PIP4K2B: variants seen among roughly 807,000 people sequenced by gnomAD.
PIP4K2B encodes the protein phosphatidylinositol 5-phosphate 4-kinase type-2 beta.
In PIP4K2B, 3 loss-of-function variants were observed where a neutral mutation model predicts 42.0. The ratio of observed to expected loss-of-function variants is 0.07; its 90% CI spans 0.03 to 0.18. The LOEUF (loss-of-function observed/expected upper bound fraction) is 0.18, where lower values mean the gene tolerates loss of function less well. Among genes scored for constraint, PIP4K2B ranks in the 10% least tolerant of loss-of-function variants. The pLI, the probability that PIP4K2B is intolerant of heterozygous loss-of-function variation, is 1.00. For synonymous variants in PIP4K2B, 204 were observed against 210.1 expected, an observed-to-expected ratio of 0.97 and a Z score of 0.25; for missense variants, 332 against 562.3, an observed-to-expected ratio of 0.59 and a Z score of 4.14.
intron 7 of PIP4K2B, among the ~76,000 whole-genome samples, chr17:38,775,662 C>T (rs1435327690): frequency 6.6e-6 from 1 of 152,044 alleles, no homozygotes; most frequent in Non-Finnish European, 1.5e-5. Context: ...TCGAAACCAT[C>T]CTGGTCAACA....
At chr17:38,795,944 G>C (rs944140155) in intron 1 of PIP4K2B, among the ~76,000 whole-genome samples, 6 of 152,000 alleles carry the variant, frequency 3.9e-5, no homozygotes, top group Non-Finnish European at 8.8e-5. Flanking sequence ...TTTGAGACAA[G>C]CCTGGCCGAC....
At chr17:38,795,196 A>T (rs1189164062) in intron 1 of PIP4K2B, among the ~76,000 whole-genome samples, 2 of 151,936 alleles carry the variant, frequency 1.3e-5, no homozygotes, top group Non-Finnish European at 2.9e-5. Flanking sequence ...AGGGACCTGT[A>T]TCTAGAATAT....
intron 7 of PIP4K2B, among the ~76,000 whole-genome samples, chr17:38,774,015 G>C (rs1206175023): frequency 6.6e-6 from 1 of 152,216 alleles, no homozygotes; most frequent in African/African-American, 2.4e-5. Flanking sequence ...GCAGAATAAG[G>C]AAAGAACATA....
intron 1 of PIP4K2B, among the ~76,000 whole-genome samples, chr17:38,789,694 A>G (rs767059617): frequency 9.2e-5 from 14 of 152,180 alleles, no homozygotes; most frequent in Non-Finnish European, 2.1e-4. Context: ...TGGGCTGGGG[A>G]ACCATATCTT....
intron 1 of PIP4K2B, among the ~76,000 whole-genome samples, chr17:38,794,370 G>A (rs1020808437): frequency 2.0e-5 from 3 of 151,844 alleles, no homozygotes; most frequent in South Asian, 4.1e-4. Flanking sequence ...TCATTCAAGC[G>A]AGATGAATAC....
rs541122569 is a variant in PIP4K2B at position 38,769,491 on chromosome 17, G to A, written c.*200C>T. On this transcript the variant is annotated 3_prime_UTR_variant, in exon 10 of 10. Transcript: ENST00000619039. ...CAGAAGGTGGGGTTACATCCTGTGA[G>A]CAGGTGCACACACAGCACATCCCCC... 3 of 584,742 alleles carry A rather than the reference G, an allele frequency of 5.1e-6. No individual in the cohort carries two copies. In the South Asian group the frequency reaches 6.5e-5, roughly 13 times the overall value. The allele number at this position is 584,742 out of a possible 1,614,324, so 36.2% of individuals were successfully genotyped here.
Position 38,779,499 on chromosome 17 carries a change from A to G in PIP4K2B, c.538T>C (p.Leu180=). Residue 180 remains leucine (L), a synonymous_variant, in exon 5 of 10, where the codon TTG becomes CTG. Transcript: ENST00000619039. Reference sequence around the variant, plus strand: ...CGGTACATGCCCAGGAACTGTGGCAAAAGCGTGTTGCCATGACACTCCACT... The same window carrying G: ...CGGTACATGCCCAGGAACTGTGGCAGAAGCGTGTTGCCATGACACTCCACT... ...FIVECHGNTL[L]PQFLGMYRLT... is the part of the protein sequence containing the mutation. 6.2e-7 allele frequency: 1 copy of G among 1,614,112 alleles called. No individual in the cohort carries two copies. The highest frequency in any genetic ancestry group is 8.5e-7 in the Non-Finnish European group (1 of 1,179,914).
intron 1 of PIP4K2B, among the ~76,000 whole-genome samples, chr17:38,797,953 GA>G (rs1416719318): frequency 6.6e-6 from 1 of 152,094 alleles, no homozygotes; most frequent in African/African-American, 2.4e-5. Context: ...TGATGACAGT[GA>G]AAACAGTAAC....
At chr17:38,785,423 G>C (rs1909952760) in intron 2 of PIP4K2B, among the ~76,000 whole-genome samples, 1 of 152,194 alleles carries the variant, frequency 6.6e-6, no homozygotes, top group Admixed American at 6.5e-5. Flanking sequence ...TGTAATCCCA[G>C]TACTTTGGGA....
At position 38,768,473 on chromosome 17, in the gene PIP4K2B, C is replaced by T. The variant is rs1908824710; in HGVS notation, c.*1218G>A. 6.5e-6 allele frequency: 1 copy of T among 152,808 alleles called. No homozygotes were observed. Among genetic ancestry groups the T allele is most frequent in the East Asian group, 1.9e-4 (1 of 5,196 alleles). The allele number at this position is 152,808 out of a possible 1,614,324, so 9.5% of individuals were successfully genotyped here. A position where few individuals can be genotyped will look rare whatever the true frequency, so the allele number is the denominator to read the frequency against. ...AGCCTCCAAACTGGATTTCCTGGAT[C>T]ACATCCTCATGTAACTAGGAAGCCA... is the stretch of plus-strand genomic sequence containing the variant. On this transcript the variant is annotated 3_prime_UTR_variant, in exon 10 of 10. Transcript: ENST00000619039.
rs1910818845 is a variant in PIP4K2B, at chr17:38,799,199, C to T, written c.159+67G>A. On this transcript the variant is annotated intron_variant, in intron 1 of 9. Coordinates refer to ENST00000619039, the MANE Select transcript of PIP4K2B (RefSeq NM_003559.5). This position sits in a 1 kb window ranked among gnomAD's most constrained non-coding sequence, Gnocchi z 4.4. The stretch of plus-strand genomic sequence containing the variant: ...ACCGGCAGGGCCTGCGGGGCAAGGG[C>T]CCAGGGCTGCAGGGGGCGTGGGAGC... The T allele has an allele frequency of 1.3e-6, 2 of 1,485,280 alleles. No individual in the cohort carries two copies. The highest frequency in any genetic ancestry group is 4.5e-5 in the Admixed American group (2 of 44,296). 92.0% of individuals were successfully genotyped at this position (1,485,280 alleles called of 1,614,324 possible).
rs199838092 is a variant in PIP4K2B, at chr17:38,779,342, T to C, written c.654+41A>G. On this transcript the variant is annotated intron_variant, in intron 5 of 9. Coordinates refer to ENST00000619039, the MANE Select transcript of PIP4K2B (RefSeq NM_003559.5). ...AGTAGTGGCCCCTTCGGGGCTCAGA[T>C]AGAGGGGAGGCACAGCTCCGGCAAA... The C allele has an allele frequency of 3.9e-5, 61 of 1,571,598 alleles. 1 individual carries two copies. The Middle Eastern group carries it at 7.0e-4, about 18-fold the overall frequency.
In PIP4K2B at chr17:38,776,656, A is replaced by G. The variant is rs1447387989; in HGVS notation, c.807+1031T>C. On this transcript the variant is annotated intron_variant, in intron 7 of 9. Coordinates refer to ENST00000619039, the MANE Select transcript of PIP4K2B (RefSeq NM_003559.5). ...AAAAAACAAAACAAACAAACAAACAAAAAAAACACCTATTATTATATGTAT... is the reference window on the plus strand; with the variant it reads ...AAAAAACAAAACAAACAAACAAACAGAAAAAACACCTATTATTATATGTAT... The G allele has an allele frequency of 3.2e-5, 14 of 440,016 alleles. No individual in the cohort carries two copies. In the Admixed American group the frequency reaches 3.7e-4, roughly 12 times the overall value. 27.3% of individuals were successfully genotyped at this position (440,016 alleles called of 1,614,324 possible). A position where few individuals can be genotyped will look rare whatever the true frequency, so the allele number is the denominator to read the frequency against.
Position 38,778,372 on chromosome 17 carries a change from C to G in PIP4K2B, c.655G>C (p.Gly219Arg). ...LTVHRKYDLK[G>R]STVAREASDK... Reference sequence around the variant, plus strand: ...CTCGCTTCTCTGGCAACCGTAGAACCCTGAAAGGATAAGAGCCATCAGGGG... The same window carrying G: ...CTCGCTTCTCTGGCAACCGTAGAACGCTGAAAGGATAAGAGCCATCAGGGG... Residue 219 changes from glycine to arginine, a missense_variant and splice_region_variant, in exon 6 of 10, where the codon GGT becomes CGT. This residue lies in a region of PIP4K2B where 16 missense variants were observed against 57.0 expected (regional missense o/e 0.28). Transcript: ENST00000619039. The G allele has an allele frequency of 6.2e-7, 1 of 1,614,058 alleles. No individual in the cohort carries two copies. Among genetic ancestry groups the G allele is most frequent in the Non-Finnish European group, 8.5e-7 (1 of 1,179,954 alleles).
intron 7 of PIP4K2B, among the ~76,000 whole-genome samples, chr17:38,774,535 G>A (rs181454893): frequency 2.0e-5 from 3 of 152,198 alleles, no homozygotes; most frequent in East Asian, 3.9e-4. Context: ...TTGGGAGGCC[G>A]AGGCAGGCAG....
At chr17:38,770,054 A>G (rs1452029389) in intron 9 of PIP4K2B, among the ~76,000 whole-genome samples, 1 of 152,214 alleles carries the variant, frequency 6.6e-6, no homozygotes, top group South Asian at 2.1e-4. Context: ...GGGCCACTAC[A>G]TGGAGAACAG....
intron 6 of PIP4K2B, 124 bp from the exon 7 acceptor site, chr17:38,777,924 A>G: frequency 1.4e-6 from 1 of 702,092 alleles, no homozygotes; most frequent in Non-Finnish European, 2.5e-6. Context: ...ACCGACCCTC[A>G]ACCTGCTAAA....
At position 38,799,115 on chromosome 17, in the gene PIP4K2B, G is replaced by C. The variant is rs1910812245; in HGVS notation, c.159+151C>G. On this transcript the variant is annotated intron_variant, in intron 1 of 9. Coordinates refer to ENST00000619039, the MANE Select transcript of PIP4K2B (RefSeq NM_003559.5). The surrounding 1 kb of genome is among the most constrained non-coding windows in gnomAD (Gnocchi z 4.4). ...GCGTGCGGGGAGTGCACACGGGGCC[G>C]AAAGGCGTGCAAGGGTGGGGTGGGC... is the stretch of plus-strand genomic sequence containing the variant. The C allele has an allele frequency of 1.3e-6, 1 of 791,802 alleles. No individual in the cohort carries two copies. The highest frequency in any genetic ancestry group is 1.8e-6 in the Non-Finnish European group (1 of 546,918). The allele number at this position is 791,802 out of a possible 1,614,324, so 49.0% of individuals were successfully genotyped here. A position where few individuals can be genotyped will look rare whatever the true frequency, so the allele number is the denominator to read the frequency against.
Position 38,799,373 on chromosome 17 carries a change from C to T in PIP4K2B, c.52G>A (p.Ala18Thr). 6.2e-7 allele frequency: 1 copy of T among 1,607,494 alleles called. No homozygotes were observed. Among genetic ancestry groups the T allele is most frequent in the Non-Finnish European group, 8.5e-7 (1 of 1,178,088 alleles). The change falls in exon 1 of 10, where the codon GCC becomes ACC. Residue 18 changes from alanine to threonine, a missense_variant. Around this residue, in one of 6 missense-constraint regions of PIP4K2B, gnomAD observed 186 missense variants for 288.4 expected, o/e 0.64. Coordinates refer to ENST00000619039, the MANE Select transcript of PIP4K2B (RefSeq NM_003559.5). This position sits in a 1 kb window ranked among gnomAD's most constrained non-coding sequence, Gnocchi z 4.4. ...TTAVAVAPLS[A>T]SKTKTKKKHF... is the part of the protein sequence containing the mutation. ...TTCTTCTTGGTCTTGGTCTTGCTGGCGCTGAGCGGCGCCACCGCCACCGCC... is the reference window on the plus strand; with the variant it reads ...TTCTTCTTGGTCTTGGTCTTGCTGGTGCTGAGCGGCGCCACCGCCACCGCC...
Sources: allele counts gnomAD v4.1 joint callset (sites outside exome capture counted in the v4.1 genomes callset), GRCh38; gene constraint gnomAD v4.1.1; regional missense constraint gnomAD v4.1.1; non-coding constraint Gnocchi (gnomAD v3.1); transcripts MANE v1.5; gene names NCBI Gene and HGNC (gene_info 2026-07-23, HGNC 2026-07-21).